The following ERFL variants were observed in gnomAD, a reference collection of about 807,000 sequenced individuals.
ERFL encodes ETS repressor factor like.
Under a neutral mutation model 27.9 loss-of-function variants are expected in ERFL, and 8 were observed. That is an observed-to-expected ratio of 0.29 (90% CI 0.17 to 0.52). The LOEUF (loss-of-function observed/expected upper bound fraction) is 0.52, where lower values mean the gene tolerates loss of function less well. Among genes scored for constraint, ERFL ranks in the 20% least tolerant of loss-of-function variants. The probability of loss-of-function intolerance (pLI) is 0.97; values close to 1 mark genes in which losing one functional copy is unlikely to be tolerated. For synonymous variants in ERFL, 174 were observed against 202.8 expected (o/e 0.86, Z 1.21); for missense variants, 294 against 444.4 (o/e 0.66, Z 3.04).
At chr19:41,925,425 C>T (rs1402397795) in intron 1 of ERFL, among the ~76,000 whole-genome samples, 1 of 151,968 alleles carries the variant, frequency 6.6e-6, no homozygotes, top group African/African-American at 2.4e-5. Flanking sequence ...ACTCCTGCCC[C>T]AAACGTGTGT....
rs934308953 is a variant in ERFL, at chr19:41,908,546, C to T, written c.747G>A (p.Pro249=). ...TGGCCAGAGGGTTGGGGTAGAAATG[C>T]GGGGGGTAGAGAGAGGGAGGCAGCT... is the stretch of plus-strand genomic sequence containing the variant. The part of the protein sequence containing the change: ...FPKLPPSLYP[P]HFYPNPLASS... The change falls in exon 6 of 6, where the codon CCG becomes CCA. Residue 249 remains proline, a synonymous_variant. Coordinates refer to ENST00000597630, the MANE Select transcript of ERFL (RefSeq NM_001365103.2). This position sits in a 1 kb window ranked among gnomAD's most constrained non-coding sequence, Gnocchi z 6.7. 3.0e-5 allele frequency: 37 copies of T among 1,231,346 alleles called. No homozygotes were observed. Among genetic ancestry groups the T allele is most frequent in the South Asian group, 4.1e-5 (1 of 24,306 alleles). The allele number at this position is 1,231,346 out of a possible 1,614,324, so 76.3% of individuals were successfully genotyped here.
At position 41,908,387 on chromosome 19, in the gene ERFL, T is replaced by C. The variant is rs891169; in HGVS notation, c.906A>G (p.Pro302=). 0.054 allele frequency: 66,662 copies of C among 1,231,100 alleles called. 18,018 individuals carry two copies. The African/African-American group carries it at 0.71, about 13-fold the overall frequency. 76.3% of individuals were successfully genotyped at this position (1,231,100 alleles called of 1,614,324 possible). The change falls in exon 6 of 6, where the codon CCA becomes CCG. Residue 302 remains proline (P), a synonymous_variant. Transcript: ENST00000597630. This position sits in a 1 kb window ranked among gnomAD's most constrained non-coding sequence, Gnocchi z 6.7. ...GGGCAGCCTCTGGACCCCCAGCCCCTGGCAGCGCCAGGCGAGGGGCCGCTG... is the reference window on the plus strand; with the variant it reads ...GGGCAGCCTCTGGACCCCCAGCCCCCGGCAGCGCCAGGCGAGGGGCCGCTG... ...GLAAAPRLAL[P]GAGGPEAALG... is the part of the protein sequence containing the mutation.
At position 41,908,886 on chromosome 19, in the gene ERFL, C is replaced by T. The variant is rs922863292; in HGVS notation, c.616+174G>A. 1.3e-5 allele frequency among the ~76,000 whole-genome samples: 2 copies of T among 151,836 alleles called. No homozygotes were observed. The highest frequency in any genetic ancestry group is 4.1e-4 in the South Asian group (2 of 4,820). The stretch of plus-strand genomic sequence containing the variant: ...GGCACCCCTGAAAGCCCCTGTCTCC[C>T]TCATTTCCCCTCCCTCACATCACAT... On this transcript the variant is annotated intron_variant, in intron 5 of 5. Coordinates refer to ENST00000597630, the MANE Select transcript of ERFL (RefSeq NM_001365103.2). This position sits in a 1 kb window ranked among gnomAD's most constrained non-coding sequence, Gnocchi z 6.7.
At chr19:41,918,487 CCA>C (rs1165135158) in intron 1 of ERFL, among the ~76,000 whole-genome samples, 10 of 148,640 alleles carry the variant, frequency 6.7e-5, no homozygotes, top group Admixed American at 2.0e-4. Flanking sequence ...ACCACGCACA[CCA>C]CACACACATC....
At chr19:41,913,348 G>A (rs1555851440) in intron 1 of ERFL, among the ~76,000 whole-genome samples, 1 of 150,928 alleles carries the variant, frequency 6.6e-6, no homozygotes, top group African/African-American at 2.4e-5. Context: ...CTCCCGGGTC[G>A]GTCGGTCCCT....
Position 41,928,386 on chromosome 19 carries a change from A to G in ERFL, c.-360T>C, listed in dbSNP as rs1305788618. ...ACGGAGCTCCGGGCTGGAGCTCAGCACAGCGAGCGCGGGCGGGCGCGCGCC... is the reference window on the plus strand; with the variant it reads ...ACGGAGCTCCGGGCTGGAGCTCAGCGCAGCGAGCGCGGGCGGGCGCGCGCC... On this transcript the variant is annotated 5_prime_UTR_variant, in exon 1 of 6. Transcript: ENST00000597630. The G allele has an allele frequency of 1.3e-5, 2 of 153,330 alleles. No individual in the cohort carries two copies. Among genetic ancestry groups the G allele is most frequent in the African/African-American group, 4.8e-5 (2 of 41,416 alleles). The allele number at this position is 153,330 out of a possible 1,614,324, so 9.5% of individuals were successfully genotyped here.
intron 1 of ERFL, among the ~76,000 whole-genome samples, chr19:41,920,943 G>A (rs1250944205): frequency 1.3e-5 from 2 of 152,166 alleles, no homozygotes; most frequent in African/African-American, 2.4e-5. Flanking sequence ...CTCTGCCTCC[G>A]GCCCTGTGTG....
At chr19:41,925,424 C>G (rs2074865910) in intron 1 of ERFL, among the ~76,000 whole-genome samples, 1 of 151,870 alleles carries the variant, frequency 6.6e-6, no homozygotes, top group Admixed American at 6.6e-5. Flanking sequence ...GACTCCTGCC[C>G]CAAACGTGTG....
chr19:41,908,168 A>C lies in ERFL; in HGVS notation c.*60T>G. 2 of 1,210,766 alleles carry C rather than the reference A, an allele frequency of 1.7e-6. No individual in the cohort carries two copies. Among genetic ancestry groups the C allele is most frequent in the Non-Finnish European group, 2.1e-6 (2 of 968,908 alleles). 75.0% of individuals were successfully genotyped at this position (1,210,766 alleles called of 1,614,324 possible). A position where few individuals can be genotyped will look rare whatever the true frequency, so the allele number is the denominator to read the frequency against. On this transcript the variant is annotated 3_prime_UTR_variant, in exon 6 of 6. Coordinates refer to ENST00000597630, the MANE Select transcript of ERFL (RefSeq NM_001365103.2). This position sits in a 1 kb window ranked among gnomAD's most constrained non-coding sequence, Gnocchi z 6.7. ...GTCCTGGGCCTTGGGCCAGGCATCAAGGGCAGACGGGCAGCCACCCTGGTC... is the reference window on the plus strand; with the variant it reads ...GTCCTGGGCCTTGGGCCAGGCATCACGGGCAGACGGGCAGCCACCCTGGTC...
intron 1 of ERFL, among the ~76,000 whole-genome samples, chr19:41,922,604 G>A (rs746288610): frequency 6.6e-5 from 10 of 152,122 alleles, no homozygotes; most frequent in Non-Finnish European, 1.2e-4. Context: ...GAGAGACTCC[G>A]AGGGACGAGG....
rs1404579120 is a variant in ERFL at position 41,914,853 on chromosome 19, C to CT, written c.-13-1922_-13-1921insA. 5.7e-4 allele frequency among the ~76,000 whole-genome samples: 21 copies of CT among 36,772 alleles called. 2 individuals carry two copies. The highest frequency in any genetic ancestry group is 7.6e-4 in the Non-Finnish European group (9 of 11,852). The allele number at this position is 36,772 out of a possible 152,430, so 24.1% of individuals were successfully genotyped here. A position where few individuals can be genotyped will look rare whatever the true frequency, so the allele number is the denominator to read the frequency against. On this transcript the variant is annotated intron_variant, in intron 1 of 5. Transcript: ENST00000597630. ...CCCTTTCCACCGTCTCTGTCTCTCC[C>CT]CCCCTCCACCATCTCTGTCTCTCCC...
At chr19:41,927,587 T>C (rs1555853381) in intron 1 of ERFL, among the ~76,000 whole-genome samples, 2 of 152,074 alleles carry the variant, frequency 1.3e-5, no homozygotes, top group African/African-American at 4.8e-5. Context: ...TCCAGTCTCT[T>C]GGCTTTGAGC....
intron 1 of ERFL, among the ~76,000 whole-genome samples, chr19:41,913,863 GCGCTCCCGAGACCC>G (rs1454100402): frequency 1.5e-5 from 2 of 131,576 alleles, no homozygotes; most frequent in Non-Finnish European, 3.2e-5. Flanking sequence ...CGCTGCCCTC[GCGCTCCCGAGACCC>G]CTCCCCTCAG....
In ERFL at chr19:41,913,262, C is replaced by G. The variant is rs1350255037; in HGVS notation, c.-13-330G>C. Reference sequence around the variant, plus strand: ...ACGCTCTCACACTCGCTGGCTCTCACGCCCGCCCGCCCGCCCGCCGCTCGC... The same window carrying G: ...ACGCTCTCACACTCGCTGGCTCTCAGGCCCGCCCGCCCGCCCGCCGCTCGC... On this transcript the variant is annotated intron_variant, in intron 1 of 5. Coordinates refer to ENST00000597630, the MANE Select transcript of ERFL (RefSeq NM_001365103.2). 5.4e-5 allele frequency among the ~76,000 whole-genome samples: 8 copies of G among 148,646 alleles called. No homozygotes were observed. In the South Asian group the frequency reaches 1.5e-3, roughly 28 times the overall value.
rs1316883021 is a variant in ERFL at position 41,908,318 on chromosome 19, G to T, written c.975C>A (p.Asp325Glu). ...EDSDSELEIT[D>E]VSGCSSDSEG... is the part of the protein sequence containing the mutation. ...CGCTGTCAGAGCTGCAGCCGCTGAC[G>T]TCGGTGATCTCCAGCTCCGAGTCGC... is the stretch of plus-strand genomic sequence containing the variant. The change falls in exon 6 of 6, where the codon GAC (aspartate) becomes GAA (glutamate). Residue 325 changes from aspartate to glutamate, a missense_variant. Physicochemically the swap from Asp to Glu is conservative, Grantham distance 45. Coordinates refer to ENST00000597630, the MANE Select transcript of ERFL (RefSeq NM_001365103.2). This position sits in a 1 kb window ranked among gnomAD's most constrained non-coding sequence, Gnocchi z 6.7. 2 of 1,231,388 alleles carry T rather than the reference G, an allele frequency of 1.6e-6. No homozygotes were observed. Among genetic ancestry groups the T allele is most frequent in the African/African-American group, 1.6e-5 (1 of 64,386 alleles). The allele number at this position is 1,231,388 out of a possible 1,614,324, so 76.3% of individuals were successfully genotyped here.
intron 2 of ERFL, among the ~76,000 whole-genome samples, chr19:41,912,297 GTC>G (rs1555851337): frequency 2.6e-5 from 4 of 152,126 alleles, no homozygotes; most frequent in Non-Finnish European, 5.9e-5. Flanking sequence ...CAAGGACAGA[GTC>G]TCTGTCTGTC....
At position 41,923,526 on chromosome 19, in the gene ERFL, G is replaced by C. The variant is rs142318026; in HGVS notation, c.-14+4514C>G. ...GGCCAGAAACCAAGAGAGACAGAGAGACTCAGAATTAAGACAGGCAGACAT... is the reference window on the plus strand; with the variant it reads ...GGCCAGAAACCAAGAGAGACAGAGACACTCAGAATTAAGACAGGCAGACAT... On this transcript the variant is annotated intron_variant, in intron 1 of 5. Transcript: ENST00000597630. Among the ~76,000 whole-genome samples the C allele has an allele frequency of 1.1e-3, 165 of 148,118 alleles. 1 individual carries two copies. The highest frequency in any genetic ancestry group is 3.8e-3 in the African/African-American group (151 of 39,830).
chr19:41,911,154 C>G (rs577015755), intron 2 of ERFL, among the ~76,000 whole-genome samples: 22 of 152,288 alleles, frequency 1.4e-4, no homozygotes, highest in African/African-American at 5.3e-4. Flanking sequence ...ACACCCCCGG[C>G]TCACTCAGCA....
Position 41,909,039 on chromosome 19 carries a change from C to T in ERFL, c.616+21G>A, listed in dbSNP as rs1243594729. 8.2e-7 allele frequency: 1 copy of T among 1,215,734 alleles called. No individual in the cohort carries two copies. Among genetic ancestry groups the T allele is most frequent in the Non-Finnish European group, 1.0e-6 (1 of 973,612 alleles). The allele number at this position is 1,215,734 out of a possible 1,614,324, so 75.3% of individuals were successfully genotyped here. On this transcript the variant is annotated intron_variant, in intron 5 of 5. Coordinates refer to ENST00000597630, the MANE Select transcript of ERFL (RefSeq NM_001365103.2). This position sits in a 1 kb window ranked among gnomAD's most constrained non-coding sequence, Gnocchi z 5.2. ...CTTCTCCCACTGTGCCCCCAGCACC[C>T]CAGAACCTCCAGGCTCTTACCAGAG...
Sources: gnomAD v4.1 joint callset for allele counts (sites outside exome capture counted in the v4.1 genomes callset) on GRCh38, gnomAD v4.1.1 for gene constraint, Gnocchi (gnomAD v3.1) non-coding constraint, MANE v1.5 for transcripts, NCBI Gene and HGNC (gene_info 2026-07-23, HGNC 2026-07-21) for gene names.